Variants in TTC6 observed in about 807,000 individuals in gnomAD.
The protein encoded by TTC6 is tetratricopeptide repeat protein 6.
In TTC6, 172 loss-of-function variants were observed where a neutral mutation model predicts 210.4. The ratio of observed to expected loss-of-function variants is 0.82; its 90% CI spans 0.72 to 0.93. The LOEUF is 0.93. TTC6 is among the 40% of genes least tolerant of loss of function. The pLI is 0.00. For missense variants in TTC6, 2,414 were observed against 2,318.1 expected (o/e 1.04, Z -0.85); for synonymous variants, 804 against 819.6 (o/e 0.98, Z 0.32).
At chr14:37,748,879 A>G (rs2139017316) in intron 10 of TTC6, 60 bp from the exon 13 acceptor site, 6 of 1,308,284 alleles carry the variant, frequency 4.6e-6, no homozygotes, top group Non-Finnish European at 6.0e-6. Context: ...GAGTTGATTT[A>G]CTGATTAGAA....
intron 7 of TTC6, among the ~76,000 whole-genome samples, chr14:37,725,312 G>GTGTGTATGTA (rs1318506400): frequency 1.2e-4 from 4 of 33,918 alleles, no homozygotes; most frequent in Non-Finnish European, 2.3e-4. Flanking sequence ...GTGTGTGTGT[G>GTGTGTATGTA]TATATATATA....
At chr14:37,733,984 C>A (rs2095894752) in intron 7 of TTC6, among the ~76,000 whole-genome samples, 1 of 152,002 alleles carries the variant, frequency 6.6e-6, no homozygotes, top group Non-Finnish European at 1.5e-5. Flanking sequence ...TTCCCTAAAT[C>A]TGTTATGTTA....
At chr14:37,663,586 C>T (rs1434791915) in intron 1 of TTC6, among the ~76,000 whole-genome samples, 1 of 151,760 alleles carries the variant, frequency 6.6e-6, no homozygotes, top group Non-Finnish European at 1.5e-5. Context: ...CAAATTCAAA[C>T]TTTTTTACCT....
At chr14:37,735,931 C>T in exon 8 of TTC6, 1 of 1,529,642 alleles carries the variant, frequency 6.5e-7, no homozygotes, top group Non-Finnish European at 8.8e-7. Flanking sequence ...AGTGTTCAAG[C>T]AAGCAGACTT....
intron 1 of TTC6, among the ~76,000 whole-genome samples, chr14:37,650,635 C>T (rs1221640854): frequency 6.6e-6 from 1 of 152,150 alleles, no homozygotes; most frequent in Non-Finnish European, 1.5e-5. Context: ...TTACATCCTG[C>T]TTCTTGTCTC....
rs1012208175 is a variant in TTC6 at position 37,598,478 on chromosome 14, G to A, written c.-235+2470G>A. On this transcript the variant is annotated intron_variant, in intron 1 of 2. Transcript: ENST00000556845. This position sits in a 1 kb window ranked among gnomAD's most constrained non-coding sequence, Gnocchi z 4.9. ...CCCGGAAGCTGCCCTTGCTACACCC[G>A]TGGGGCCTGCTCCCGGCGCAGTCCC... 6.6e-6 allele frequency among the ~76,000 whole-genome samples: 1 copy of A among 152,228 alleles called. No individual in the cohort carries two copies. Among genetic ancestry groups the A allele is most frequent in the Non-Finnish European group, 1.5e-5 (1 of 68,042 alleles).
chr14:37,694,673 A>G (rs949169038), intron 3 of TTC6, among the ~76,000 whole-genome samples: 25 of 152,172 alleles, frequency 1.6e-4, no homozygotes, highest in African/African-American at 5.8e-4. Flanking sequence ...TTTGAAAGCA[A>G]CCTAAGTGTC....
chr14:37,805,416 G>GACACACACACAC (rs60931072), intron 21 of TTC6, among the ~76,000 whole-genome samples: 290 of 146,506 alleles, frequency 2.0e-3, no homozygotes, highest in Admixed American at 2.3e-3. Flanking sequence ...TCTATCTCAA[G>GACACACACACAC]ACACACACAC....
chr14:37,707,684 T>C (rs1046430044), intron 5 of TTC6, among the ~76,000 whole-genome samples: 2 of 152,132 alleles, frequency 1.3e-5, no homozygotes, highest in Admixed American at 6.6e-5. Context: ...AGGATGTTCT[T>C]CCTGTCACTT....
chr14:37,736,822 A>C (rs529670085), intron 8 of TTC6, among the ~76,000 whole-genome samples: 2 of 152,206 alleles, frequency 1.3e-5, no homozygotes, highest in South Asian at 2.1e-4. Context: ...TGGTAAAATC[A>C]TGGCTTACTG....
At chr14:37,785,586 T>A (rs530619184) in intron 14 of TTC6, among the ~76,000 whole-genome samples, 1 of 152,336 alleles carries the variant, frequency 6.6e-6, no homozygotes, top group South Asian at 2.1e-4. Flanking sequence ...CTCAGAGAAG[T>A]TTGTTTTTAC....
intron 1 of TTC6, among the ~76,000 whole-genome samples, chr14:37,654,406 A>C (rs1229390078): frequency 6.6e-6 from 1 of 152,140 alleles, no homozygotes; most frequent in Non-Finnish European, 1.5e-5. Context: ...AATTAAAAGT[A>C]TGTAGCACCC....
chr14:37,829,821 A>G (rs187383832), intron 29 of TTC6, among the ~76,000 whole-genome samples: 35 of 152,222 alleles, frequency 2.3e-4, no homozygotes, highest in Admixed American at 2.3e-3. Context: ...CTTGGGCAAC[A>G]CATAAATTAA....
At chr14:37,690,697 A>T (rs1401993975) in intron 3 of TTC6, among the ~76,000 whole-genome samples, 1 of 152,158 alleles carries the variant, frequency 6.6e-6, no homozygotes, top group African/African-American at 2.4e-5. Flanking sequence ...TTCATTATAT[A>T]TGCACCCAAC....
intron 29 of TTC6, among the ~76,000 whole-genome samples, chr14:37,840,044 T>C (rs559612659): frequency 6.6e-6 from 1 of 152,276 alleles, no homozygotes; most frequent in Non-Finnish European, 1.5e-5. Context: ...CTGGTTACTG[T>C]AGCCTTGTAG....
rs377117749 is a variant in TTC6, at chr14:37,672,821, A to ATTTTTTTT, written c.940-7318_940-7311dup. On this transcript the variant is annotated intron_variant, in intron 1 of 30. Coordinates refer to ENST00000553443, the Ensembl canonical transcript of TTC6. ...TAAGCAAGCTTTTCATGAATTCCTC[A>ATTTTTTTT]TTTTTTTTTTTTTTTTTTTACTAAA... 2.9e-4 allele frequency among the ~76,000 whole-genome samples: 37 copies of ATTTTTTTT among 128,990 alleles called. 1 individual carries two copies. The highest frequency in any genetic ancestry group is 1.1e-3 in the African/African-American group (35 of 32,472). The allele number at this position is 128,990 out of a possible 152,430, so 84.6% of individuals were successfully genotyped here.
chr14:37,610,670 C>T (rs113844884), intron 2 of TTC6, among the ~76,000 whole-genome samples: 1 of 152,154 alleles, frequency 6.6e-6, no homozygotes, highest in Admixed American at 6.5e-5. Flanking sequence ...TCCCGACTGC[C>T]GTAGTACTGC....
intron 15 of TTC6, 28 bp from the exon 18 acceptor site, chr14:37,790,689 T>A: frequency 6.6e-7 from 1 of 1,515,270 alleles, no homozygotes; most frequent in African/African-American, 1.4e-5. Flanking sequence ...AGAACCTGAA[T>A]GAAATACATT....
chr14:37,705,290 A>G (rs2095833234), intron 5 of TTC6, among the ~76,000 whole-genome samples: 1 of 152,186 alleles, frequency 6.6e-6, no homozygotes, highest in Non-Finnish European at 1.5e-5. Flanking sequence ...TGGAAAAACC[A>G]AAGGTTAAGT....
Sources: gnomAD v4.1 joint callset for allele counts (sites outside exome capture counted in the v4.1 genomes callset) on GRCh38, gnomAD v4.1.1 for gene constraint, Gnocchi (gnomAD v3.1) non-coding constraint, MANE v1.5 for transcripts, NCBI Gene and HGNC (gene_info 2026-07-23, HGNC 2026-07-21) for gene names.